FSD2: variants seen among roughly 807,000 people sequenced by gnomAD.
FSD2 encodes fibronectin type III and SPRY domain-containing protein 2.
In FSD2, 71 loss-of-function variants were observed where a neutral mutation model predicts 80.4. That is an observed-to-expected ratio of 0.88 (90% CI 0.73 to 1.08). FSD2 has a LOEUF of 1.08. FSD2 is among the 50% of genes least tolerant of loss of function. The pLI, the probability that FSD2 is intolerant of heterozygous loss-of-function variation, is 0.00. For synonymous variants in FSD2, 361 were observed against 329.5 expected, an observed-to-expected ratio of 1.10 and a Z score of -1.03; for missense variants, 923 against 913.8, an observed-to-expected ratio of 1.01 and a Z score of -0.13.
At chr15:82,796,000 CTTTTTT>C (rs143711664) in intron 1 of FSD2, among the ~76,000 whole-genome samples, 1 of 117,504 alleles carries the variant, frequency 8.5e-6, no homozygotes, top group Admixed American at 9.5e-5. Context: ...TTTTTCTTTT[CTTTTTT>C]TTTTTTTTTT....
intron 6 of FSD2, among the ~76,000 whole-genome samples, chr15:82,776,509 C>T (rs1156517891): frequency 6.6e-6 from 1 of 151,970 alleles, no homozygotes; most frequent in Non-Finnish European, 1.5e-5. Context: ...GAATAAAATA[C>T]TTAGAAATAA....
rs547544789 is a variant in FSD2 at position 82,788,056 on chromosome 15, G to A, written c.-78-588C>T. Among the ~76,000 whole-genome samples, 3 of 152,196 alleles carry A rather than the reference G, an allele frequency of 2.0e-5. No homozygotes were observed. In the East Asian group the frequency reaches 5.8e-4, roughly 29 times the overall value. On this transcript the variant is annotated intron_variant, in intron 1 of 12. Coordinates refer to ENST00000334574, the MANE Select transcript of FSD2 (RefSeq NM_001007122.4). ...GCTGGAATTACAGGCATGAACCACT[G>A]CGCCCAGTCTATTATTTTTAAATTG... is the stretch of plus-strand genomic sequence containing the variant.
intron 1 of FSD2, among the ~76,000 whole-genome samples, chr15:82,791,345 A>C (rs1444868218): frequency 6.6e-6 from 1 of 151,416 alleles, no homozygotes; most frequent in East Asian, 2.0e-4. Flanking sequence ...TGATCACCAC[A>C]GTCAATTTCA....
Position 82,758,697 on chromosome 15 carries a change from A to C in FSD2, c.*651T>G, listed in dbSNP as rs2049221770. ...AGCTGTTATGTGTTAGCCCTTGGTG[A>C]TCTAGCAATGAACAAAACAGGCACT... On this transcript the variant is annotated 3_prime_UTR_variant, in exon 13 of 13. Coordinates refer to ENST00000334574, the MANE Select transcript of FSD2 (RefSeq NM_001007122.4). The C allele has an allele frequency of 6.6e-6, 1 of 152,388 alleles. No individual in the cohort carries two copies. The highest frequency in any genetic ancestry group is 2.1e-4 in the South Asian group (1 of 4,830). The allele number at this position is 152,388 out of a possible 1,614,324, so 9.4% of individuals were successfully genotyped here.
chr15:82,769,604 T>C, intron 8 of FSD2, 146 bp downstream of exon 8: 1 of 963,668 alleles, frequency 1.0e-6, no homozygotes, highest in Admixed American at 2.9e-5. Flanking sequence ...GGCATGTAGA[T>C]TTTGTGTGTT....
At position 82,786,590 on chromosome 15, in the gene FSD2, T is replaced by C; in HGVS notation, c.656A>G (p.Asn219Ser). The change falls in exon 3 of 13, where the codon AAC (asparagine) becomes AGC (serine). Residue 219 changes from asparagine to serine, a missense_variant. Asn to Ser is a conservative substitution (Grantham distance 46). Coordinates refer to ENST00000334574, the MANE Select transcript of FSD2 (RefSeq NM_001007122.4). ...LESAKDEIHKNMYKLEKQIIE... is the reference protein window; with the variant it reads ...LESAKDEIHKSMYKLEKQIIE... ...TATCTGCTTTTCCAATTTGTACATG[T>C]TTTTGTGAATTTCATCCTATCCAAC... The C allele has an allele frequency of 6.2e-7, 1 of 1,613,518 alleles. No individual in the cohort carries two copies.
chr15:82,771,975 T>C, intron 7 of FSD2, 98 bp downstream of exon 7: 1 of 1,274,050 alleles, frequency 7.8e-7, no homozygotes, highest in South Asian at 1.6e-5. Context: ...AGACCCATCC[T>C]GTCTCTACCA....
chr15:82,789,981 C>G (rs1477174710), intron 1 of FSD2, among the ~76,000 whole-genome samples: 1 of 152,120 alleles, frequency 6.6e-6, no homozygotes, highest in Non-Finnish European at 1.5e-5. Context: ...TCGAGACCAG[C>G]CTGACCAATG....
chr15:82,772,044 G>A, intron 7 of FSD2, 29 bp downstream of exon 7: 1 of 1,523,642 alleles, frequency 6.6e-7, no homozygotes, highest in Non-Finnish European at 8.7e-7. Flanking sequence ...GTTCCCATGA[G>A]CACGGGCATG....
chr15:82,787,318 CCA>C lies in FSD2; in HGVS notation c.71_72del (p.Met24ArgfsTer4). ...AGTCTGTCTTCAGAGTCATACAGGT[CCA>C]TGTGGTAAAAGTGGAAATCCTTGGG... ...STPKDFHFYH[M>X]DLYDSEDRLH... On this transcript the variant is annotated frameshift_variant, in exon 2 of 13. Transcript: ENST00000334574. LOFTEE classifies it high-confidence loss of function. 6.2e-7 allele frequency: 1 copy of C among 1,613,828 alleles called. No homozygotes were observed. Among genetic ancestry groups the C allele is most frequent in the Admixed American group, 1.7e-5 (1 of 59,996 alleles).
chr15:82,781,841 C>T (rs555217748), intron 4 of FSD2, among the ~76,000 whole-genome samples: 4 of 150,404 alleles, frequency 2.7e-5, no homozygotes, highest in Admixed American at 6.7e-5. Context: ...AGGTGGATCA[C>T]GAGGTCAGAG....
intron 3 of FSD2, among the ~76,000 whole-genome samples, chr15:82,785,910 C>T (rs1375378023): frequency 6.6e-6 from 1 of 151,970 alleles, no homozygotes; most frequent in African/African-American, 2.4e-5. Flanking sequence ...AAAAAGAGGT[C>T]CAAAACAAAT....
chr15:82,776,986 C>G (rs2049727419), intron 6 of FSD2, among the ~76,000 whole-genome samples: 1 of 152,162 alleles, frequency 6.6e-6, no homozygotes, highest in African/African-American at 2.4e-5. Flanking sequence ...ATAGTCTCTT[C>G]AACAAATGGC....
At chr15:82,778,641 A>G in intron 6 of FSD2, 125 bp downstream of exon 6, 2 of 1,065,200 alleles carry the variant, frequency 1.9e-6, no homozygotes, top group South Asian at 1.7e-5. Context: ...GTATTTAACA[A>G]TATTGTATTG....
At position 82,760,754 on chromosome 15, in the gene FSD2, C is replaced by CAT. The variant is rs747336765; in HGVS notation, c.1998-1155_1998-1154insAT. Among the ~76,000 whole-genome samples, 36 of 152,062 alleles carry CAT rather than the reference C, an allele frequency of 2.4e-4. 1 individual carries two copies. Among genetic ancestry groups the CAT allele is most frequent in the Admixed American group, 8.5e-4 (13 of 15,266 alleles). ...GTGCGTGCACGCACACACACACACA[C>CAT]ACACACCCTACATCTGTAAGAAACT... On this transcript the variant is annotated intron_variant, in intron 12 of 12. Coordinates refer to ENST00000334574, the MANE Select transcript of FSD2 (RefSeq NM_001007122.4).
intron 4 of FSD2, 62 bp downstream of exon 4, chr15:82,782,733 T>G: frequency 8.1e-5 from 110 of 1,364,708 alleles, no homozygotes; most frequent in Middle Eastern, 1.8e-4. Flanking sequence ...TAACTGTCGT[T>G]TCCGTTTATA....
intron 6 of FSD2, among the ~76,000 whole-genome samples, chr15:82,778,103 T>G (rs1258082971): frequency 9.6e-6 from 1 of 104,152 alleles, no homozygotes; most frequent in Non-Finnish European, 1.9e-5. Context: ...ATACCCTGTC[T>G]CTGAAAAAAA....
chr15:82,770,997 C>G (rs937767007), intron 7 of FSD2, among the ~76,000 whole-genome samples: 2 of 152,136 alleles, frequency 1.3e-5, no homozygotes, highest in South Asian at 4.1e-4. Context: ...CCCAACCCCC[C>G]TTTTCAAAGC....
At chr15:82,770,926 G>A (rs1352457576) in intron 7 of FSD2, among the ~76,000 whole-genome samples, 1 of 152,060 alleles carries the variant, frequency 6.6e-6, no homozygotes, top group African/African-American at 2.4e-5. Flanking sequence ...TATCTGCAGG[G>A]GGTGCTGACA....
Sources: allele counts gnomAD v4.1 joint callset (sites outside exome capture counted in the v4.1 genomes callset), GRCh38; gene constraint gnomAD v4.1.1; transcripts MANE v1.5; gene names NCBI Gene and HGNC (gene_info 2026-07-23, HGNC 2026-07-21).